Variants in DOCK3 observed in about 807,000 individuals in gnomAD.
DOCK3 encodes the protein dedicator of cytokinesis protein 3.
DOCK3 carries 60 observed loss-of-function variants against 265.6 expected under a neutral mutation model. That is an observed-to-expected ratio of 0.23 (90% CI 0.18 to 0.28). The LOEUF (loss-of-function observed/expected upper bound fraction) is 0.28, where lower values mean the gene tolerates loss of function less well. DOCK3 is among the 10% of genes least tolerant of loss of function. The pLI is 1.00. For synonymous variants in DOCK3, 881 were observed against 938.0 expected, an observed-to-expected ratio of 0.94 and a Z score of 1.11; for missense variants, 1,981 against 2,594.3, an observed-to-expected ratio of 0.76 and a Z score of 5.14.
chr3:51,172,082 A>G (rs1187662618), intron 12 of DOCK3, among the ~76,000 whole-genome samples: 3 of 152,194 alleles, frequency 2.0e-5, no homozygotes, highest in African/African-American at 7.2e-5. Context: ...CAGAGAGTCC[A>G]TATTTGTCTT....
intron 21 of DOCK3, among the ~76,000 whole-genome samples, chr3:51,244,420 CTAAG>C (rs755927052): frequency 2.6e-5 from 4 of 151,896 alleles, no homozygotes; most frequent in African/African-American, 9.7e-5. Context: ...TAAATGTATC[CTAAG>C]TATTTTATTC....
Position 51,101,277 on chromosome 3 carries a change from C to T in DOCK3, c.746+10893C>T, listed in dbSNP as rs548828909. Among the ~76,000 whole-genome samples, 482 of 152,076 alleles carry T rather than the reference C, an allele frequency of 3.2e-3. 4 individuals carry two copies. Among genetic ancestry groups the T allele is most frequent in the Non-Finnish European group, 3.2e-4 (22 of 67,976 alleles). On this transcript the variant is annotated intron_variant, in intron 9 of 52. Coordinates refer to ENST00000266037, the MANE Select transcript of DOCK3 (RefSeq NM_004947.5). ...CTGGGACTACAGGCGCCCGCCACCG[C>T]GCCCGGCTAATTTTTTGTATTTTTA...
Position 51,381,285 on chromosome 3 carries a change from C to CT in DOCK3, c.5820dup (p.Glu1941Ter). ...TACCTCCCTGTCCACTACAGCCTCT[C>CT]TGAGTCTGCCGTCCTGGACTCCATC... On this transcript the variant is annotated frameshift_variant, in exon 53 of 53. Transcript: ENST00000266037. LOFTEE classifies it high-confidence loss of function. The surrounding 1 kb of genome is among the most constrained non-coding windows in gnomAD (Gnocchi z 5.6). 1 of 1,613,818 alleles carries CT rather than the reference C, an allele frequency of 6.2e-7. No homozygotes were observed. Among genetic ancestry groups the CT allele is most frequent in the Non-Finnish European group, 8.5e-7 (1 of 1,179,878 alleles).
intron 1 of DOCK3, among the ~76,000 whole-genome samples, chr3:50,692,874 G>T (rs1374961130): frequency 6.6e-6 from 1 of 151,972 alleles, no homozygotes; most frequent in Non-Finnish European, 1.5e-5. Context: ...TAGATTTTAT[G>T]TTTAAGGCTT....
intron 4 of DOCK3, among the ~76,000 whole-genome samples, chr3:50,921,125 A>C (rs913207586): frequency 6.6e-6 from 1 of 152,056 alleles, no homozygotes; most frequent in Non-Finnish European, 1.5e-5. Context: ...AGTTTGTTAC[A>C]ATTTCTGTTC....
chr3:50,696,045 C>T (rs576468518), intron 1 of DOCK3, among the ~76,000 whole-genome samples: 2 of 152,318 alleles, frequency 1.3e-5, no homozygotes, highest in South Asian at 4.1e-4. Context: ...GAATCAGGTC[C>T]TTAAGGCATC....
chr3:51,320,645 G>T (rs1248274375), intron 32 of DOCK3, among the ~76,000 whole-genome samples: 1 of 152,182 alleles, frequency 6.6e-6, no homozygotes, highest in African/African-American at 2.4e-5. Flanking sequence ...TTGGGAGAGG[G>T]GCTTCTGCCA....
At chr3:50,863,462 C>T (rs768730691) in intron 3 of DOCK3, 3 of 519,846 alleles carry the variant, frequency 5.8e-6, no homozygotes. Flanking sequence ...TAGAATGTTA[C>T]AAGGGTGAGT....
intron 14 of DOCK3, among the ~76,000 whole-genome samples, chr3:51,225,033 T>C (rs1199542549): frequency 6.6e-6 from 1 of 151,774 alleles, no homozygotes; most frequent in African/African-American, 2.4e-5. Context: ...CCTATGCTTC[T>C]GGCAAGTGAT....
At chr3:51,120,912 TG>T (rs2083982962) in intron 9 of DOCK3, among the ~76,000 whole-genome samples, 1 of 152,126 alleles carries the variant, frequency 6.6e-6, no homozygotes, top group African/African-American at 2.4e-5. Context: ...CCCGTGAGGG[TG>T]GGATCCGCTG....
intron 9 of DOCK3, among the ~76,000 whole-genome samples, chr3:51,106,994 C>G (rs185213478): frequency 6.6e-6 from 1 of 152,176 alleles, no homozygotes; most frequent in Admixed American, 6.5e-5. Flanking sequence ...GCACCTTGAC[C>G]CCTCCAGTGC....
intron 5 of DOCK3, among the ~76,000 whole-genome samples, chr3:51,049,795 A>C (rs928158628): frequency 6.9e-6 from 1 of 145,380 alleles, no homozygotes; most frequent in Non-Finnish European, 1.5e-5. Flanking sequence ...TAATGGGTCC[A>C]CACACACACA....
chr3:50,965,007 T>C (rs2076989274), intron 5 of DOCK3, among the ~76,000 whole-genome samples: 1 of 152,042 alleles, frequency 6.6e-6, no homozygotes, highest in Non-Finnish European at 1.5e-5. Flanking sequence ...GTTTTAGATA[T>C]AAACTAAGCT....
chr3:50,878,286 G>GT (rs1404548088), intron 3 of DOCK3, among the ~76,000 whole-genome samples: 1 of 152,246 alleles, frequency 6.6e-6, no homozygotes, highest in Non-Finnish European at 1.5e-5. Flanking sequence ...ACTTTGATGA[G>GT]TTGAGAGAAG....
chr3:51,062,549 C>T (rs1195146700), intron 5 of DOCK3, among the ~76,000 whole-genome samples: 1 of 152,162 alleles, frequency 6.6e-6, no homozygotes, highest in Non-Finnish European at 1.5e-5. Context: ...TACCCTTGGC[C>T]ACTCTGATTT....
At chr3:50,804,723 A>T (rs2043305113) in intron 2 of DOCK3, among the ~76,000 whole-genome samples, 1 of 150,120 alleles carries the variant, frequency 6.7e-6, no homozygotes, top group Non-Finnish European at 1.5e-5. Context: ...TCAGAGGGAG[A>T]CCGTGGAGAG....
intron 35 of DOCK3, among the ~76,000 whole-genome samples, chr3:51,335,991 C>CAAAAAAAAAAAAAAAA (rs560859648): frequency 1.7e-5 from 1 of 58,100 alleles, no homozygotes. Context: ...GACCCTGTCT[C>CAAAAAAAAAAAAAAAA]AAAAAAAAAA....
intron 27 of DOCK3, among the ~76,000 whole-genome samples, chr3:51,281,360 ATCCTGGGC>A (rs1386485002): frequency 6.7e-6 from 1 of 150,282 alleles, no homozygotes; most frequent in Non-Finnish European, 1.5e-5. Flanking sequence ...ATTCAAAGCC[ATCCTGGGC>A]TGCATATGGC....
intron 2 of DOCK3, among the ~76,000 whole-genome samples, chr3:50,782,613 T>TA (rs1171358430): frequency 2.0e-5 from 3 of 147,896 alleles, no homozygotes; most frequent in African/African-American, 5.0e-5. Flanking sequence ...GTGTAGCTTT[T>TA]AAAAAAAATT....
Sources: gnomAD v4.1 joint callset for allele counts (sites outside exome capture counted in the v4.1 genomes callset) on GRCh38, gnomAD v4.1.1 for gene constraint, Gnocchi (gnomAD v3.1) non-coding constraint, MANE v1.5 for transcripts, NCBI Gene and HGNC (gene_info 2026-07-23, HGNC 2026-07-21) for gene names.